PMPCA: variants seen among roughly 807,000 people sequenced by gnomAD.
PMPCA encodes the protein mitochondrial-processing peptidase subunit alpha.
In PMPCA, 47 loss-of-function variants were observed where a neutral mutation model predicts 59.3. The ratio of observed to expected loss-of-function variants is 0.79; its 90% confidence interval spans 0.63 to 1.01. PMPCA has a LOEUF of 1.01. Ranked by LOEUF, PMPCA falls within the 50% of genes least tolerant of loss-of-function variation. PMPCA has a pLI of 0.00. For missense variants in PMPCA, 726 were observed against 704.5 expected, an observed-to-expected ratio of 1.03 and a Z score of -0.34; for synonymous variants, 338 against 290.3, an observed-to-expected ratio of 1.16 and a Z score of -1.67.
chr9:136,418,979 G>A, intron 10 of PMPCA, 61 bp downstream of exon 10: 4 of 1,602,294 alleles, frequency 2.5e-6, no homozygotes, highest in Admixed American at 1.7e-5. Flanking sequence ...GGGCGTCCCT[G>A]CCTAGACGGG....
chr9:136,413,002 G>A (rs144755773), intron 4 of PMPCA, 110 bp downstream of exon 4: 12 of 737,414 alleles, frequency 1.6e-5, no homozygotes, highest in South Asian at 1.1e-4. Flanking sequence ...GGAGATTCAC[G>A]GGGAGAAGGA....
rs1442433795 is a variant in PMPCA, at chr9:136,413,482, C to A, written c.437+590C>A. ...CAATGTGAGATGGGTGAATATAGAT[C>A]ACAGATTTTTAAAATTGTTGATTTA... On this transcript the variant is annotated intron_variant, in intron 4 of 12. Coordinates refer to ENST00000371717, the MANE Select transcript of PMPCA (RefSeq NM_015160.3). Among the ~76,000 whole-genome samples the A allele has an allele frequency of 2.0e-5, 3 of 152,094 alleles. No individual in the cohort carries two copies. In the East Asian group the frequency reaches 5.8e-4, roughly 29 times the overall value.
chr9:136,418,883 C>T lies in PMPCA; in HGVS notation c.1165C>T (p.Leu389Phe). Residue 389 changes from leucine (L) to phenylalanine (F), a missense_variant, in exon 10 of 13, where the codon CTC (leucine) becomes TTC (phenylalanine). Physicochemically the swap from Leu to Phe is conservative, Grantham distance 22. Transcript: ENST00000371717. ...CCACCACAGCTACGAGGACACTGGC[C>T]TCCTTTGCATCCATGCCAGCGCCGA... is the stretch of plus-strand genomic sequence containing the variant. ...SYHHSYEDTG[L>F]LCIHASADPR... 6.2e-6 allele frequency: 10 copies of T among 1,613,758 alleles called. No individual in the cohort carries two copies. Among genetic ancestry groups the T allele is most frequent in the South Asian group, 2.2e-5 (2 of 91,084 alleles).
rs569874439 is a variant in PMPCA at position 136,418,937 on chromosome 9, A to T, written c.1200+19A>T. The T allele has an allele frequency of 1.9e-6, 3 of 1,611,126 alleles. No homozygotes were observed. In the African/African-American group the frequency reaches 4.0e-5, roughly 22 times the overall value. ...AAGACAGGTGAGGGCCCCGCCTGCC[A>T]CCGTCCTCAGTGCGGTTGCCTGTCC... On this transcript the variant is annotated intron_variant, in intron 10 of 12. Coordinates refer to ENST00000371717, the MANE Select transcript of PMPCA (RefSeq NM_015160.3).
chr9:136,419,145 G>A, intron 11 of PMPCA, 39 bp downstream of exon 11: 1 of 1,563,176 alleles, frequency 6.4e-7, no homozygotes, highest in Non-Finnish European at 8.8e-7. Context: ...CGTACCTGTG[G>A]TGTCTGACAG....
In PMPCA at chr9:136,412,505, G is replaced by C; in HGVS notation, c.290G>C (p.Gly97Ala). 6.3e-7 allele frequency: 1 copy of C among 1,575,198 alleles called. No homozygotes were observed. The highest frequency in any genetic ancestry group is 8.7e-7 in the Non-Finnish European group (1 of 1,150,224). Reference protein sequence around the residue: ...FCTVGILINSGSRYEAKYLSG... With the variant: ...FCTVGILINSASRYEAKYLSG... ...TTACTACTAGTTCTTATCAATTCAG[G>C]ATCGAGATATGAAGCGAAATACCTT... The change falls in exon 3 of 13, where the codon GGA (glycine) becomes GCA (alanine). Residue 97 changes from glycine to alanine, a missense_variant. Coordinates refer to ENST00000371717, the MANE Select transcript of PMPCA (RefSeq NM_015160.3).
intron 2 of PMPCA, 103 bp from the exon 3 acceptor site, chr9:136,412,387 T>G: frequency 2.6e-6 from 2 of 756,262 alleles, no homozygotes; most frequent in Admixed American, 2.3e-5. Flanking sequence ...CTCATGTAAT[T>G]AAATCTGATT....
chr9:136,421,382 T>C (rs1835443205), intron 11 of PMPCA, among the ~76,000 whole-genome samples: 1 of 149,904 alleles, frequency 6.7e-6, no homozygotes, highest in African/African-American at 2.4e-5. Flanking sequence ...CAGGGTTGCC[T>C]GTGACTTGGG....
chr9:136,418,334 G>A (rs547360638), intron 8 of PMPCA, among the ~76,000 whole-genome samples: 13 of 149,834 alleles, frequency 8.7e-5, no homozygotes, highest in Admixed American at 2.0e-4. Flanking sequence ...GTGACACAGC[G>A]TGGGTGGCTC....
At chr9:136,419,175 AGT>A (rs1167130672) in intron 11 of PMPCA, 69 bp downstream of exon 11, 1 of 1,353,918 alleles carries the variant, frequency 7.4e-7, no homozygotes, top group African/African-American at 1.4e-5. Flanking sequence ...ACGTTGTAGG[AGT>A]GGCCACCTGT....
rs370583732 is a variant in PMPCA, at chr9:136,418,389, C to T, written c.991-166C>T. 3.7e-4 allele frequency among the ~76,000 whole-genome samples: 51 copies of T among 139,068 alleles called. No homozygotes were observed. In the East Asian group the frequency reaches 5.4e-3, roughly 15 times the overall value. 91.2% of individuals were successfully genotyped at this position (139,068 alleles called of 152,430 possible). A position where few individuals can be genotyped will look rare whatever the true frequency, so the allele number is the denominator to read the frequency against. ...CCCTGGCATCCGACGGCGCTCCTGA[C>T]GCGGCATGGGTGGCTCAGCCAGCTC... is the stretch of plus-strand genomic sequence containing the variant. On this transcript the variant is annotated intron_variant, in intron 8 of 12. Coordinates refer to ENST00000371717, the MANE Select transcript of PMPCA (RefSeq NM_015160.3).
chr9:136,415,599 A>G (rs1463633524), intron 5 of PMPCA, among the ~76,000 whole-genome samples: 1 of 152,228 alleles, frequency 6.6e-6, no homozygotes, highest in Non-Finnish European at 1.5e-5. Context: ...TCTTGTGGTC[A>G]CAACTGATGA....
Position 136,421,985 on chromosome 9 carries a change from C to T in PMPCA, c.1408+9C>T, listed in dbSNP as rs376902658. 1.3e-3 allele frequency: 2,135 copies of T among 1,604,346 alleles called. 3 individuals are homozygous for T. The highest frequency in any genetic ancestry group is 1.4e-3 in the Admixed American group (80 of 58,040). On this transcript the variant is annotated intron_variant, in intron 12 of 12. Transcript: ENST00000371717. ...GCTGTGCACGCTCATCCGTGAGTAC[C>T]GCAGGGGTAGTGAGGGGCTGCCGCA... is the stretch of plus-strand genomic sequence containing the variant.
intron 6 of PMPCA, 188 bp from the exon 7 acceptor site, chr9:136,416,763 T>G: frequency 1.7e-6 from 1 of 600,662 alleles, no homozygotes; most frequent in South Asian, 2.1e-5. Context: ...TGTGAATTTG[T>G]ATTCTGGAGA....
At chr9:136,411,541 A>C in intron 1 of PMPCA, 1 of 185,378 alleles carries the variant, frequency 5.4e-6, no homozygotes, top group Non-Finnish European at 1.2e-5. Context: ...TGTTCCAGGA[A>C]TTGACAAGAA....
rs1211125635 is a variant in PMPCA at position 136,423,387 on chromosome 9, G to A, written c.*123G>A. ...TTGTATAAACGGTGCAAACAATGTC[G>A]CCACAGCACCCACGCGGTTTGCATT... On this transcript the variant is annotated 3_prime_UTR_variant, in exon 13 of 13. Transcript: ENST00000371717. The A allele has an allele frequency of 2.9e-5, 29 of 991,542 alleles. No individual in the cohort carries two copies. The highest frequency in any genetic ancestry group is 1.8e-4 in the East Asian group (7 of 38,242). The allele number at this position is 991,542 out of a possible 1,614,324, so 61.4% of individuals were successfully genotyped here. A position where few individuals can be genotyped will look rare whatever the true frequency, so the allele number is the denominator to read the frequency against.
In PMPCA at chr9:136,412,053, C is replaced by G; in HGVS notation, c.128C>G (p.Pro43Arg). 1 of 1,613,534 alleles carries G rather than the reference C, an allele frequency of 6.2e-7. No individual in the cohort carries two copies. Among genetic ancestry groups the G allele is most frequent in the Non-Finnish European group, 8.5e-7 (1 of 1,179,478 alleles). Residue 43 changes from proline (P) to arginine (R), a missense_variant, in exon 2 of 13, where the codon CCC becomes CGC. Transcript: ENST00000371717. The stretch of plus-strand genomic sequence containing the variant: ...AGTGGTGGTGCCTATCCCAACATCC[C>G]CCTCTCTTCTCCCTTACCTGGAGTA... ...FSSGGAYPNI[P>R]LSSPLPGVPK...
chr9:136,423,126 C>G lies in PMPCA; in HGVS notation c.1440C>G (p.Val480=). The change falls in exon 13 of 13, where the codon GTC becomes GTG. Residue 480 remains valine, a synonymous_variant. Transcript: ENST00000371717. ...TGAAGCCGGAAGATGTGAAGAGAGT[C>G]GCTTCTAAGATGCTCCGAGGGAAGC... is the stretch of plus-strand genomic sequence containing the variant. ...RNVKPEDVKR[V]ASKMLRGKPA... is the part of the protein sequence containing the mutation. 6.2e-7 allele frequency: 1 copy of G among 1,613,374 alleles called. No homozygotes were observed. The highest frequency in any genetic ancestry group is 8.5e-7 in the Non-Finnish European group (1 of 1,179,890).
intron 12 of PMPCA, chr9:136,422,451 A>G (rs1486659205): frequency 2.0e-5 from 22 of 1,079,290 alleles, no homozygotes; most frequent in Non-Finnish European, 2.5e-5. Flanking sequence ...TTGTATGTGC[A>G]TCGGACTCTT....
Sources: gnomAD v4.1 joint callset for allele counts (sites outside exome capture counted in the v4.1 genomes callset) on GRCh38, gnomAD v4.1.1 for gene constraint, MANE v1.5 for transcripts, NCBI Gene and HGNC (gene_info 2026-07-23, HGNC 2026-07-21) for gene names.